The following NADK variants were observed in gnomAD, a reference collection of about 807,000 sequenced individuals.
NADK encodes NAD kinase, also known as poly(P)/ATP NAD kinase.
NADK carries 22 observed loss-of-function variants against 49.8 expected under a neutral mutation model. The observed-to-expected ratio is 0.44, with a 90% confidence interval of 0.32 to 0.63. The LOEUF is 0.63. Ranked by LOEUF, NADK falls within the 30% of genes least tolerant of loss-of-function variation. The pLI is 0.06. For missense variants in NADK, 438 were observed against 609.4 expected (o/e 0.72, Z 2.96); for synonymous variants, 268 against 253.7 (o/e 1.06, Z -0.54).
intron 3 of NADK, chr1:1,760,002 A>G: frequency 7.5e-7 from 1 of 1,334,392 alleles, no homozygotes; most frequent in East Asian, 2.5e-5. Flanking sequence ...GGACAGAGCC[A>G]CGGCGGGGCC....
intron 3 of NADK, chr1:1,758,309 A>C (rs1645596127): frequency 3.9e-6 from 6 of 1,539,586 alleles, no homozygotes; most frequent in Middle Eastern, 2.4e-4. Context: ...TGGCAGCCAC[A>C]GGGCCACAGA....
At chr1:1,757,834 T>C (rs918347959) in intron 3 of NADK, among the ~76,000 whole-genome samples, 2 of 151,890 alleles carry the variant, frequency 1.3e-5, no homozygotes, top group Non-Finnish European at 2.9e-5. Flanking sequence ...TGCACACAGC[T>C]CACTACCTCC....
At chr1:1,759,755 C>A in intron 3 of NADK, 1 of 1,555,984 alleles carries the variant, frequency 6.4e-7, no homozygotes, top group Non-Finnish European at 8.7e-7. Flanking sequence ...GCGGGGCTGT[C>A]TGGCCTCGGG....
chr1:1,752,821 G>A lies in NADK; in HGVS notation c.*83C>T. 1 of 1,502,078 alleles carries A rather than the reference G, an allele frequency of 6.7e-7. No individual in the cohort carries two copies. The highest frequency in any genetic ancestry group is 9.0e-7 in the Non-Finnish European group (1 of 1,105,232). The allele number at this position is 1,502,078 out of a possible 1,614,324, so 93.0% of individuals were successfully genotyped here. A position where few individuals can be genotyped will look rare whatever the true frequency, so the allele number is the denominator to read the frequency against. ...AGTGGCCGTGCCACTGAGACAGGCG[G>A]TCACAGACACACGCAGATTGGTCTG... On this transcript the variant is annotated 3_prime_UTR_variant, in exon 12 of 12. Transcript: ENST00000341426.
chr1:1,753,873 G>A (rs560488090), intron 10 of NADK, among the ~76,000 whole-genome samples, 178 bp downstream of exon 10: 2 of 152,336 alleles, frequency 1.3e-5, no homozygotes, highest in African/African-American at 4.8e-5. Context: ...TTGATGGACA[G>A]AACTCGGGCA....
chr1:1,763,697 T>G (rs553743193), intron 2 of NADK, among the ~76,000 whole-genome samples: 1 of 151,992 alleles, frequency 6.6e-6, no homozygotes, highest in Admixed American at 6.5e-5. Context: ...AAAAGATTAT[T>G]GCGGAAAACA....
chr1:1,767,323 G>C (rs947766200), intron 1 of NADK, among the ~76,000 whole-genome samples: 1 of 152,206 alleles, frequency 6.6e-6, no homozygotes, highest in Non-Finnish European at 1.5e-5. Flanking sequence ...AAGCAACCCA[G>C]GGATCAAAGT....
intron 3 of NADK, among the ~76,000 whole-genome samples, chr1:1,761,441 T>G (rs1177299862): frequency 6.6e-6 from 1 of 152,216 alleles, no homozygotes; most frequent in African/African-American, 2.4e-5. Context: ...TATAATTCTT[T>G]ACACATAAAA....
chr1:1,763,636 GA>G lies in NADK; in HGVS notation c.179+1591del, dbSNP rs1399397678. Among the ~76,000 whole-genome samples, 7 of 14,272 alleles carry G rather than the reference GA, an allele frequency of 4.9e-4. 1 individual carries two copies. Among genetic ancestry groups the G allele is most frequent in the Non-Finnish European group, 1.1e-3 (4 of 3,770 alleles). 9.4% of individuals were successfully genotyped at this position (14,272 alleles called of 152,430 possible). A position where few individuals can be genotyped will look rare whatever the true frequency, so the allele number is the denominator to read the frequency against. On this transcript the variant is annotated intron_variant, in intron 2 of 11. Coordinates refer to ENST00000341426, the MANE Select transcript of NADK (RefSeq NM_023018.5). ...TCCATCTCAAAAAAAAAAAAAAAAAGAAGAAGAAAACGAAGTACATTACAAA... is the reference window on the plus strand; with the variant it reads ...TCCATCTCAAAAAAAAAAAAAAAAAGAGAAGAAAACGAAGTACATTACAAA...
Position 1,755,388 on chromosome 1 carries a change from G to A in NADK, c.674C>T (p.Thr225Ile), listed in dbSNP as rs1318294332. ...FSFENFQSQV[T>I]QVIEGNAAVV... Reference sequence around the variant, plus strand: ...TTCCAACTCACCCTCTATCACCTGAGTAACTTGGGACTGAAAGTTCTCAAA... The same window carrying A: ...TTCCAACTCACCCTCTATCACCTGAATAACTTGGGACTGAAAGTTCTCAAA... Residue 225 changes from threonine (T) to isoleucine (I), a missense_variant, in exon 7 of 12, where the codon ACT becomes ATT. Physicochemically the swap from Thr to Ile is moderately conservative, Grantham distance 89. Transcript: ENST00000341426. The A allele has an allele frequency of 6.2e-7, 1 of 1,613,566 alleles. No individual in the cohort carries two copies. Among genetic ancestry groups the A allele is most frequent in the Non-Finnish European group, 8.5e-7 (1 of 1,179,500 alleles).
intron 11 of NADK, 82 bp downstream of exon 11, chr1:1,753,485 A>C: frequency 8.4e-7 from 1 of 1,193,784 alleles, no homozygotes; most frequent in South Asian, 1.4e-5. Context: ...CTGTGTCTAC[A>C]GGCCAACCGC....
intron 11 of NADK, 64 bp from the exon 12 acceptor site, chr1:1,753,124 C>G: frequency 1.3e-6 from 2 of 1,533,082 alleles, no homozygotes; most frequent in African/African-American, 2.7e-5. Flanking sequence ...GGCCAAGAAC[C>G]CTTCCTCCCT....
At chr1:1,756,977 G>A in intron 4 of NADK, 1 of 908,930 alleles carries the variant, frequency 1.1e-6, no homozygotes. Context: ...CCAGCTCATT[G>A]TTGGTCACCC....
chr1:1,778,442 C>G lies in NADK; in HGVS notation c.-194G>C, dbSNP rs561827345. 2.7e-5 allele frequency: 4 copies of G among 147,880 alleles called. No homozygotes were observed. The highest frequency in any genetic ancestry group is 2.0e-4 in the South Asian group (1 of 4,902). The allele number at this position is 147,880 out of a possible 1,614,324, so 9.2% of individuals were successfully genotyped here. On this transcript the variant is annotated 5_prime_UTR_variant, in exon 1 of 12. Coordinates refer to ENST00000341426, the MANE Select transcript of NADK (RefSeq NM_023018.5). This position sits in a 1 kb window ranked among gnomAD's most constrained non-coding sequence, Gnocchi z 4.9. ...GCCCGGACCCCGGCGCCGGCGCCGC[C>G]GAGCAGCAATGCGCCGCGCCCGCCC...
chr1:1,753,598 G>T lies in NADK; in HGVS notation c.1153C>A (p.Arg385=). 1 of 1,612,774 alleles carries T rather than the reference G, an allele frequency of 6.2e-7. No homozygotes were observed. The highest frequency in any genetic ancestry group is 8.5e-7 in the Non-Finnish European group (1 of 1,179,482). ...CCATGGCGGATCTCTTGTCTCTTCC[G>T]TCCATCAAAGGACACCCATGCTGTG... ...RNTAWVSFDG[R]KRQEIRHGDS... Residue 385 remains arginine (R), a synonymous_variant, in exon 11 of 12, where the codon CGG becomes AGG. Coordinates refer to ENST00000341426, the MANE Select transcript of NADK (RefSeq NM_023018.5).
chr1:1,764,910 T>C (rs939244020), intron 2 of NADK, among the ~76,000 whole-genome samples: 4 of 152,088 alleles, frequency 2.6e-5, no homozygotes, highest in African/African-American at 9.7e-5. Flanking sequence ...CAAAAAAAAG[T>C]TTCCTCTCCA....
chr1:1,756,758 C>T (rs577240076), intron 4 of NADK, 150 bp from the exon 5 acceptor site: 14 of 1,341,974 alleles, frequency 1.0e-5, no homozygotes, highest in South Asian at 3.6e-5. Context: ...TCATCACCAA[C>T]GCGCCAGGAG....
chr1:1,774,060 C>A (rs912682140), intron 1 of NADK, among the ~76,000 whole-genome samples: 6 of 151,598 alleles, frequency 4.0e-5, no homozygotes, highest in Non-Finnish European at 8.8e-5. Flanking sequence ...TATTTATTTG[C>A]GAAGATCAAT....
At position 1,756,550 on chromosome 1, in the gene NADK, T is replaced by A; in HGVS notation, c.452A>T (p.Asp151Val). 6.2e-7 allele frequency: 1 copy of A among 1,614,106 alleles called. No individual in the cohort carries two copies. The highest frequency in any genetic ancestry group is 1.1e-5 in the South Asian group (1 of 91,088). Residue 151 changes from aspartate to valine, a missense_variant, in exon 5 of 12, where the codon GAT (aspartate) becomes GTT (valine). Physicochemically the swap from Asp to Val is radical, Grantham distance 152 (BLOSUM62 -3). Coordinates refer to ENST00000341426, the MANE Select transcript of NADK (RefSeq NM_023018.5). The part of the protein sequence containing the change: ...KVLEDPAIAS[D>V]ESFGAVKKKF... ...CTTCTTCACTGCCCCAAAGCTTTCA[T>A]CGCTGGCGATGGCAGGGTCTTCTAG... is the stretch of plus-strand genomic sequence containing the variant.
Sources: gnomAD v4.1 joint callset for allele counts (sites outside exome capture counted in the v4.1 genomes callset) on GRCh38, gnomAD v4.1.1 for gene constraint, Gnocchi (gnomAD v3.1) non-coding constraint, MANE v1.5 for transcripts, NCBI Gene and HGNC (gene_info 2026-07-23, HGNC 2026-07-21) for gene names.